Variants in TEX15 observed in about 807,000 individuals in gnomAD.
The protein encoded by TEX15 is testis expressed 15, meiosis and synapsis associated.
Under a neutral mutation model 237.3 loss-of-function variants are expected in TEX15, and 171 were observed. The observed-to-expected ratio is 0.72, with a 90% CI of 0.64 to 0.82. The LOEUF (loss-of-function observed/expected upper bound fraction) is 0.82, where lower values mean the gene tolerates loss of function less well. Among genes scored for constraint, TEX15 ranks in the 40% least tolerant of loss-of-function variants. The probability of loss-of-function intolerance (pLI) is 0.00; values close to 1 mark genes in which losing one functional copy is unlikely to be tolerated. For missense variants in TEX15, 3,750 were observed against 3,646.5 expected (o/e 1.03, Z -0.73); for synonymous variants, 1,338 against 1,269.8 (o/e 1.05, Z -1.14).
chr8:30,878,773 C>T (rs1193488206), intron 3 of TEX15, among the ~76,000 whole-genome samples: 1 of 152,174 alleles, frequency 6.6e-6, no homozygotes, highest in Non-Finnish European at 1.5e-5. Flanking sequence ...AATCCTCCTG[C>T]TTTGGCTTCC....
chr8:30,894,626 C>A (rs1808858320), intron 2 of TEX15, among the ~76,000 whole-genome samples: 1 of 152,110 alleles, frequency 6.6e-6, no homozygotes, highest in Admixed American at 6.5e-5. Context: ...CAGTCTGCAA[C>A]AAATAGTGCC....
intron 7 of TEX15, among the ~76,000 whole-genome samples, chr8:30,856,926 T>C (rs1807924170): frequency 6.6e-6 from 1 of 152,188 alleles, no homozygotes; most frequent in African/African-American, 2.4e-5. Flanking sequence ...GATAAGCTGA[T>C]TCTAAAATTT....
intron 1 of TEX15, among the ~76,000 whole-genome samples, chr8:30,899,439 G>T (rs1465391967): frequency 6.6e-6 from 1 of 151,992 alleles, no homozygotes; most frequent in Non-Finnish European, 1.5e-5. Flanking sequence ...TTCAAACTCC[G>T]TTCTTTTTGT....
chr8:30,897,376 C>T (rs2128778296), intron 2 of TEX15, among the ~76,000 whole-genome samples: 1 of 152,304 alleles, frequency 6.6e-6, no homozygotes, highest in African/African-American at 2.4e-5. Flanking sequence ...CAAGCCGATG[C>T]CTTAAAAATT....
rs1302075910 is a variant in TEX15, at chr8:30,843,350, CAA to C, written c.6815_6816del (p.Phe2272Ter). 4 of 1,609,590 alleles carry C rather than the reference CAA, an allele frequency of 2.5e-6. No individual in the cohort carries two copies. The highest frequency in any genetic ancestry group is 3.4e-6 in the Non-Finnish European group (4 of 1,178,844). The part of the protein sequence containing the change: ...ISLYGLEHIF[F>X]DAAKNLVWKE... ...TTCCAAACAAGATTTTTTGCAGCAT[CAA>C]AAAAGATATGTTCCAGACCATAAAG... On this transcript the variant is annotated frameshift_variant, in exon 8 of 11. Coordinates refer to ENST00000643185, the MANE Select transcript of TEX15 (RefSeq NM_001350162.2). LOFTEE classifies it high-confidence loss of function.
At chr8:30,879,432 G>A (rs2128774276) in intron 3 of TEX15, among the ~76,000 whole-genome samples, 1 of 152,240 alleles carries the variant, frequency 6.6e-6, no homozygotes, top group South Asian at 2.1e-4. Context: ...TAAGCCCAAG[G>A]TTCATTCGGA....
At chr8:30,891,921 T>C (rs1261707252) in intron 2 of TEX15, among the ~76,000 whole-genome samples, 1 of 152,256 alleles carries the variant, frequency 6.6e-6, no homozygotes, top group East Asian at 1.9e-4. Flanking sequence ...CTATCTTTTT[T>C]GCTAATTATA....
intron 1 of TEX15, among the ~76,000 whole-genome samples, chr8:30,900,208 T>C (rs1013245748): frequency 6.6e-6 from 1 of 152,224 alleles, no homozygotes; most frequent in Non-Finnish European, 1.5e-5. Context: ...ACTCAAGTGC[T>C]TTAATTGTCA....
chr8:30,838,976 C>T (rs769420480), intron 9 of TEX15, among the ~76,000 whole-genome samples: 3 of 151,124 alleles, frequency 2.0e-5, no homozygotes, highest in African/African-American at 4.9e-5. Flanking sequence ...CCACTATGCC[C>T]GGCTAGTTTC....
At chr8:30,868,317 A>C (rs1009447115) in intron 4 of TEX15, among the ~76,000 whole-genome samples, 1 of 152,040 alleles carries the variant, frequency 6.6e-6, no homozygotes, top group Non-Finnish European at 1.5e-5. Context: ...GATATTCTAT[A>C]TGGCTTGCTC....
Position 30,842,466 on chromosome 8 carries a change from G to A in TEX15, c.7701C>T (p.Asp2567=). Residue 2567 remains aspartate, a synonymous_variant, in exon 8 of 11, where the codon GAC becomes GAT. Coordinates refer to ENST00000643185, the MANE Select transcript of TEX15 (RefSeq NM_001350162.2). The part of the protein sequence containing the change: ...KSKYFISTYI[D]FVPYIASINY... ...TTATGGATGCTATATATGGCACAAA[G>A]TCAATATATGTGGAAATAAAATACT... is the stretch of plus-strand genomic sequence containing the variant. 3 of 1,613,152 alleles carry A rather than the reference G, an allele frequency of 1.9e-6. No individual in the cohort carries two copies. Among genetic ancestry groups the A allele is most frequent in the Non-Finnish European group, 2.5e-6 (3 of 1,179,654 alleles).
chr8:30,874,565 A>T (rs1808362225), intron 4 of TEX15, among the ~76,000 whole-genome samples: 1 of 152,160 alleles, frequency 6.6e-6, no homozygotes, highest in Non-Finnish European at 1.5e-5. Flanking sequence ...CAGTCTCTTA[A>T]GGGCTGGGTT....
intron 8 of TEX15, 55 bp from the exon 9 acceptor site, chr8:30,840,019 A>T: frequency 7.6e-6 from 8 of 1,053,188 alleles, no homozygotes; most frequent in Non-Finnish European, 1.1e-5. Flanking sequence ...ACTATAATAA[A>T]AATAATTATT....
chr8:30,847,272 A>G lies in TEX15; in HGVS notation c.2895T>C (p.Ala965=), dbSNP rs1807641684. ...ENTGRSVEHL[A]STTFPKTASS... ...TTGCAGTTTTGGGAAATGTCGTGGAAGCCAAATGCTCTACACTTCTTCCAG... is the reference window on the plus strand; with the variant it reads ...TTGCAGTTTTGGGAAATGTCGTGGAGGCCAAATGCTCTACACTTCTTCCAG... The change falls in exon 8 of 11, where the codon GCT becomes GCC. Residue 965 remains alanine, a synonymous_variant. Coordinates refer to ENST00000643185, the MANE Select transcript of TEX15 (RefSeq NM_001350162.2). 6 of 1,613,946 alleles carry G rather than the reference A, an allele frequency of 3.7e-6. No homozygotes were observed. The East Asian group carries it at 1.3e-4, about 36-fold the overall frequency.
At chr8:30,904,874 A>G (rs898971370) in intron 1 of TEX15, among the ~76,000 whole-genome samples, 2 of 152,246 alleles carry the variant, frequency 1.3e-5, no homozygotes, top group Non-Finnish European at 2.9e-5. Flanking sequence ...ATTACTTGAT[A>G]AGGTTAAAAC....
Position 30,842,770 on chromosome 8 carries a change from A to G in TEX15, c.7397T>C (p.Leu2466Pro). The change falls in exon 8 of 11, where the codon CTA (leucine) becomes CCA (proline). Residue 2466 changes from leucine (L) to proline (P), a missense_variant. Leu to Pro is a moderately conservative substitution (Grantham distance 98, BLOSUM62 -3). Coordinates refer to ENST00000643185, the MANE Select transcript of TEX15 (RefSeq NM_001350162.2). Reference protein sequence around the residue: ...HFLKNSIAKKLDKQRFRGMLW... With the variant: ...HFLKNSIAKKPDKQRFRGMLW... ...CATACCTCGAAACCTCTGTTTGTCT[A>G]GTTTCTTTGCTATTGAGTTTTTAAG... The G allele has an allele frequency of 6.2e-7, 1 of 1,613,448 alleles. No homozygotes were observed. Among genetic ancestry groups the G allele is most frequent in the Non-Finnish European group, 8.5e-7 (1 of 1,179,682 alleles).
At chr8:30,840,727 A>G (rs2128766844) in intron 8 of TEX15, among the ~76,000 whole-genome samples, 1 of 152,322 alleles carries the variant, frequency 6.6e-6, no homozygotes, top group Non-Finnish European at 1.5e-5. Context: ...TATGACTTAT[A>G]TACTCAGAAT....
At chr8:30,873,587 G>A (rs975525622) in intron 4 of TEX15, among the ~76,000 whole-genome samples, 18 of 152,016 alleles carry the variant, frequency 1.2e-4, no homozygotes, top group South Asian at 1.0e-3. Flanking sequence ...AAGTAAATCC[G>A]TATTTTAGAA....
chr8:30,847,998 C>T lies in TEX15; in HGVS notation c.2169G>A (p.Lys723=). Residue 723 remains lysine (K), a synonymous_variant, in exon 8 of 11, where the codon AAG becomes AAA. Coordinates refer to ENST00000643185, the MANE Select transcript of TEX15 (RefSeq NM_001350162.2). ...ITPSFESLSQ[K]HPQHSVEYEG... is the part of the protein sequence containing the mutation. ...CATACTCCACAGAGTGCTGAGGATGCTTTTGTGACAGGCTCTCAAAACTTG... is the reference window on the plus strand; with the variant it reads ...CATACTCCACAGAGTGCTGAGGATGTTTTTGTGACAGGCTCTCAAAACTTG... The T allele has an allele frequency of 6.2e-7, 1 of 1,613,908 alleles. No homozygotes were observed. Among genetic ancestry groups the T allele is most frequent in the Non-Finnish European group, 8.5e-7 (1 of 1,179,890 alleles).
Sources: allele counts gnomAD v4.1 joint callset (sites outside exome capture counted in the v4.1 genomes callset), GRCh38; gene constraint gnomAD v4.1.1; transcripts MANE v1.5; gene names NCBI Gene and HGNC (gene_info 2026-07-23, HGNC 2026-07-21).